Variants in NME7 observed in about 807,000 individuals in gnomAD.
The protein encoded by NME7 is nucleoside diphosphate kinase 7.
NME7 carries 41 observed loss-of-function variants against 49.1 expected under a neutral mutation model. The observed-to-expected ratio is 0.83, with a 90% CI of 0.65 to 1.08. The LOEUF is 1.08. Among genes scored for constraint, NME7 ranks in the 50% least tolerant of loss-of-function variants. The pLI is 0.00. For missense variants in NME7, 423 were observed against 463.4 expected (o/e 0.91, Z 0.80); for synonymous variants, 139 against 150.6 (o/e 0.92, Z 0.56).
In NME7 at chr1:169,318,017, A is replaced by G. The variant is rs183369611; in HGVS notation, c.278+5100T>C. ...TCTCCTGCTTTCACATGTTAAGCAC[A>G]TTGGAATCAGAGTCCGGCACCTGCA... On this transcript the variant is annotated intron_variant, in intron 3 of 11. Coordinates refer to ENST00000367811, the MANE Select transcript of NME7 (RefSeq NM_013330.5). 5.9e-5 allele frequency among the ~76,000 whole-genome samples: 9 copies of G among 152,266 alleles called. No homozygotes were observed. The South Asian group carries it at 6.2e-4, about 11-fold the overall frequency.
At chr1:169,338,439 C>A (rs1652561602) in intron 1 of NME7, among the ~76,000 whole-genome samples, 1 of 152,122 alleles carries the variant, frequency 6.6e-6, no homozygotes, top group Non-Finnish European at 1.5e-5. Flanking sequence ...TGAAAAATGC[C>A]AGAAAAGAAC....
chr1:169,257,007 CTG>C lies in NME7; in HGVS notation c.755-19322_755-19321del, dbSNP rs1352085378. Among the ~76,000 whole-genome samples the C allele has an allele frequency of 2.3e-5, 3 of 130,610 alleles. 1 individual carries two copies. The highest frequency in any genetic ancestry group is 7.7e-5 in the African/African-American group (3 of 38,976). 85.7% of individuals were successfully genotyped at this position (130,610 alleles called of 152,430 possible). On this transcript the variant is annotated intron_variant, in intron 7 of 11. Coordinates refer to ENST00000367811, the MANE Select transcript of NME7 (RefSeq NM_013330.5). ...ACATTTAAGTCTGCAGAGGTTACTG[CTG>C]TCTTTTTGTTTGTCTGTGCCCTGCC...
chr1:169,221,805 G>C (rs1035187712), intron 10 of NME7, among the ~76,000 whole-genome samples: 1 of 151,912 alleles, frequency 6.6e-6, no homozygotes, highest in Admixed American at 6.6e-5. Context: ...GCTCACTGCA[G>C]CCTTAACCTA....
intron 7 of NME7, among the ~76,000 whole-genome samples, chr1:169,265,083 G>A (rs1165734329): frequency 7.5e-6 from 1 of 132,542 alleles, no homozygotes; most frequent in Non-Finnish European, 1.8e-5. Context: ...CAGTGTGGGG[G>A]TAACTGCTAC....
intron 7 of NME7, among the ~76,000 whole-genome samples, chr1:169,281,940 T>C (rs1421919274): frequency 6.6e-6 from 1 of 152,190 alleles, no homozygotes. Context: ...CAGGTTTTGG[T>C]ATCAGGATGA....
intron 10 of NME7, among the ~76,000 whole-genome samples, chr1:169,171,522 G>A (rs1659589044): frequency 6.6e-6 from 1 of 152,188 alleles, no homozygotes; most frequent in African/African-American, 2.4e-5. Context: ...CAGCACTTTG[G>A]GAGGCCGAGG....
chr1:169,185,143 G>A lies in NME7; in HGVS notation c.991-15589C>T, dbSNP rs567659519. On this transcript the variant is annotated intron_variant, in intron 10 of 11. Coordinates refer to ENST00000367811, the MANE Select transcript of NME7 (RefSeq NM_013330.5). ...CTTTAGTTCAGCAAAATGCAATTGA[G>A]AGTCAGCATGATACAATTTCTTCCT... Among the ~76,000 whole-genome samples, 139 of 152,248 alleles carry A rather than the reference G, an allele frequency of 9.1e-4. 1 individual carries two copies. The highest frequency in any genetic ancestry group is 3.3e-3 in the African/African-American group (136 of 41,534).
At chr1:169,290,898 C>CAAAA (rs1650473865) in intron 6 of NME7, among the ~76,000 whole-genome samples, 1 of 151,744 alleles carries the variant, frequency 6.6e-6, no homozygotes, top group Non-Finnish European at 1.5e-5. Flanking sequence ...TTTATGCAGC[C>CAAAA]AACATATGAA....
At chr1:169,342,973 AAGTACATATATATACTTGTATTAG>A (rs1652827726) in intron 1 of NME7, among the ~76,000 whole-genome samples, 1 of 96,358 alleles carries the variant, frequency 1.0e-5, no homozygotes. Flanking sequence ...ATATATATAC[AAGTACATATATATACTTGTATTAG>A]TATATATATA....
intron 11 of NME7, among the ~76,000 whole-genome samples, chr1:169,135,942 G>A (rs1404553418): frequency 1.3e-5 from 2 of 152,014 alleles, no homozygotes; most frequent in African/African-American, 4.8e-5. Context: ...CATACTATCT[G>A]TAGCTAGCTT....
At chr1:169,290,984 G>C in intron 6 of NME7, among the ~76,000 whole-genome samples, 1 of 152,166 alleles carries the variant, frequency 6.6e-6, no homozygotes, top group South Asian at 2.1e-4. Flanking sequence ...CAGTTAGAAT[G>C]ATGATCATTA....
rs561908888 is a variant in NME7, at chr1:169,168,932, C to A, written c.1098+515G>T. The A allele has an allele frequency of 4.0e-5, 18 of 454,088 alleles. No homozygotes were observed. The East Asian group carries it at 9.7e-4, about 25-fold the overall frequency. 28.1% of individuals were successfully genotyped at this position (454,088 alleles called of 1,614,324 possible). On this transcript the variant is annotated intron_variant, in intron 11 of 11. Coordinates refer to ENST00000367811, the MANE Select transcript of NME7 (RefSeq NM_013330.5). Reference sequence around the variant, plus strand: ...TTGAACAAATGAATATATAAGTGGACCAGCACAGTTCAAACATTGTTCAAG... The same window carrying A: ...TTGAACAAATGAATATATAAGTGGAACAGCACAGTTCAAACATTGTTCAAG...
At chr1:169,345,175 G>A (rs928674991) in intron 1 of NME7, among the ~76,000 whole-genome samples, 1 of 152,082 alleles carries the variant, frequency 6.6e-6, no homozygotes, top group African/African-American at 2.4e-5. Context: ...TAGGAGCGAT[G>A]TCTCCTCTTT....
chr1:169,288,142 T>A (rs1038195208), intron 6 of NME7, among the ~76,000 whole-genome samples: 2 of 152,168 alleles, frequency 1.3e-5, no homozygotes, highest in Non-Finnish European at 2.9e-5. Flanking sequence ...AATACCACTT[T>A]CCACTAGGAG....
chr1:169,249,627 T>A (rs1010442513), intron 7 of NME7, among the ~76,000 whole-genome samples: 1 of 152,176 alleles, frequency 6.6e-6, no homozygotes, highest in South Asian at 2.1e-4. Context: ...CTGTCATATA[T>A]GGCTTTCATT....
intron 1 of NME7, among the ~76,000 whole-genome samples, chr1:169,354,946 T>TATTATATATGTTTATATAATATA (rs1653334845): frequency 1.4e-5 from 1 of 69,474 alleles, no homozygotes. Context: ...ATGTATTATA[T>TATTATATATGTTTATATAATATA]ATTATATATG....
At chr1:169,225,108 T>C (rs1647274123) in intron 10 of NME7, among the ~76,000 whole-genome samples, 1 of 152,118 alleles carries the variant, frequency 6.6e-6, no homozygotes, top group Non-Finnish European at 1.5e-5. Flanking sequence ...ATATAATATA[T>C]AATTTTTTTT....
chr1:169,224,976 G>C (rs866925584), intron 10 of NME7, among the ~76,000 whole-genome samples: 1 of 152,136 alleles, frequency 6.6e-6, no homozygotes, highest in Non-Finnish European at 1.5e-5. Flanking sequence ...TTAATTCTCA[G>C]GTGCTTGGGC....
chr1:169,199,732 CT>C (rs1251614278), intron 10 of NME7, among the ~76,000 whole-genome samples: 6 of 151,918 alleles, frequency 3.9e-5, no homozygotes, highest in Admixed American at 6.6e-5. Context: ...CATTATAACT[CT>C]AAGCCATATA....
Sources: gnomAD v4.1 joint callset for allele counts (sites outside exome capture counted in the v4.1 genomes callset) on GRCh38, gnomAD v4.1.1 for gene constraint, MANE v1.5 for transcripts, NCBI Gene and HGNC (gene_info 2026-07-23, HGNC 2026-07-21) for gene names.